PCDHB13: variants seen among roughly 807,000 people sequenced by gnomAD.
PCDHB13 encodes the protein protocadherin beta 13, also known as protocadherin beta-13.
For missense variants in PCDHB13, 1,065 were observed against 1,016.7 expected, an observed-to-expected ratio of 1.05 and a Z score of -0.65; for synonymous variants, 515 against 450.7, an observed-to-expected ratio of 1.14 and a Z score of -1.81.
At position 141,216,578 on chromosome 5, in the gene PCDHB13, G is replaced by A. The variant is rs782009068; in HGVS notation, c.*58G>A. The A allele has an allele frequency of 4.4e-6, 6 of 1,349,326 alleles. No homozygotes were observed. Among genetic ancestry groups the A allele is most frequent in the South Asian group, 1.2e-5 (1 of 85,718 alleles). The allele number at this position is 1,349,326 out of a possible 1,614,324, so 83.6% of individuals were successfully genotyped here. Reference sequence around the variant, plus strand: ...TATTTTGTGGCATTTCCATGCCAATGTTTATTTCCCCCAATTTGTGTGTAT... The same window carrying A: ...TATTTTGTGGCATTTCCATGCCAATATTTATTTCCCCCAATTTGTGTGTAT... On this transcript the variant is annotated 3_prime_UTR_variant, in exon 1 of 1. Transcript: ENST00000341948.
At position 141,216,344 on chromosome 5, in the gene PCDHB13, G is replaced by A. The variant is rs782535102; in HGVS notation, c.2221G>A (p.Gly741Ser). ...TCCAGGGCATCTTGTGGACATGAGC[G>A]GCACCAGGACCCTATCCCAGAGCTA... Reference protein sequence around the residue: ...PLPGHLVDMSGTRTLSQSYQY... With the variant: ...PLPGHLVDMSSTRTLSQSYQY... The change falls in exon 1 of 1, where the codon GGC becomes AGC. Residue 741 changes from glycine to serine, a missense_variant. Transcript: ENST00000341948. 63 of 1,614,062 alleles carry A rather than the reference G, an allele frequency of 3.9e-5. No homozygotes were observed. The highest frequency in any genetic ancestry group is 5.1e-5 in the Non-Finnish European group (60 of 1,180,042).
In PCDHB13 at chr5:141,216,758, G is replaced by T; in HGVS notation, c.*238G>T. 1 of 584,454 alleles carries T rather than the reference G, an allele frequency of 1.7e-6. No individual in the cohort carries two copies. Among genetic ancestry groups the T allele is most frequent in the African/African-American group, 1.9e-5 (1 of 53,288 alleles). 36.2% of individuals were successfully genotyped at this position (584,454 alleles called of 1,614,324 possible). A position where few individuals can be genotyped will look rare whatever the true frequency, so the allele number is the denominator to read the frequency against. On this transcript the variant is annotated 3_prime_UTR_variant, in exon 1 of 1. Transcript: ENST00000341948. ...TGTAATTAATTTGCCTCCCTAAAGA[G>T]CAATACCAAATCACATTTTTTTCAT...
Position 141,216,440 on chromosome 5 carries a change from A to G in PCDHB13, c.2317A>G (p.Asn773Asp). Residue 773 changes from asparagine to aspartate, a missense_variant, in exon 1 of 1, where the codon AAC becomes GAC. Physicochemically the swap from Asn to Asp is conservative, Grantham distance 23. Transcript: ENST00000341948. The stretch of plus-strand genomic sequence containing the variant: ...CAAGTTCCTGAAGCCGATTATCCCC[A>G]ACTTCCCTCCCCAGTGCCCTGGGAA... ...EFKFLKPIIP[N>D]FPPQCPGKEI... 1.9e-6 allele frequency: 3 copies of G among 1,613,816 alleles called. No homozygotes were observed. Among genetic ancestry groups the G allele is most frequent in the Non-Finnish European group, 2.5e-6 (3 of 1,179,958 alleles).
chr5:141,215,627 T>C lies in PCDHB13; in HGVS notation c.1504T>C (p.Ser502Pro). The change falls in exon 1 of 1, where the codon TCC becomes CCC. Residue 502 changes from serine to proline, a missense_variant. Coordinates refer to ENST00000341948, the MANE Select transcript of PCDHB13 (RefSeq NM_018933.4). ...CCAGGACCCGCACCTGCCCCTCACA[T>C]CCCTGGTCTCCATCAACGCGGACAA... ...PPQDPHLPLT[S>P]LVSINADNGH... 6.2e-7 allele frequency: 1 copy of C among 1,613,416 alleles called. No individual in the cohort carries two copies. The highest frequency in any genetic ancestry group is 8.5e-7 in the Non-Finnish European group (1 of 1,180,012).
At position 141,214,609 on chromosome 5, in the gene PCDHB13, T is replaced by A. The variant is rs1554287664; in HGVS notation, c.486T>A (p.Asp162Glu). 1.9e-6 allele frequency: 3 copies of A among 1,614,196 alleles called. No homozygotes were observed. In the African/African-American group the frequency reaches 4.0e-5, roughly 22 times the overall value. The part of the protein sequence containing the change: ...TFPLKNAEDL[D>E]VGQNNIENYI... ...CTCTGAAGAATGCCGAAGACTTAGA[T>A]GTAGGCCAAAACAATATTGAGAACT... The change falls in exon 1 of 1, where the codon GAT becomes GAA. Residue 162 changes from aspartate to glutamate, a missense_variant. Physicochemically the swap from Asp to Glu is conservative, Grantham distance 45. Coordinates refer to ENST00000341948, the MANE Select transcript of PCDHB13 (RefSeq NM_018933.4).
chr5:141,218,376 T>C lies in PCDHB13; in HGVS notation c.*1856T>C, dbSNP rs1441122079. On this transcript the variant is annotated 3_prime_UTR_variant, in exon 1 of 1. Transcript: ENST00000341948. ...TAAGACAACCTAATGTTTATACTTC[T>C]GACTCAGATTTCACTACTGGTTCTG... The C allele has an allele frequency of 1.8e-5, 3 of 167,212 alleles. No individual in the cohort carries two copies. Among genetic ancestry groups the C allele is most frequent in the East Asian group, 3.9e-4 (2 of 5,194 alleles). 10.4% of individuals were successfully genotyped at this position (167,212 alleles called of 1,614,324 possible). A position where few individuals can be genotyped will look rare whatever the true frequency, so the allele number is the denominator to read the frequency against.
rs1754624408 is a variant in PCDHB13 at position 141,216,663 on chromosome 5, G to A, written c.*143G>A. The A allele has an allele frequency of 1.2e-6, 1 of 831,066 alleles. No homozygotes were observed. Among genetic ancestry groups the A allele is most frequent in the Non-Finnish European group, 2.1e-6 (1 of 477,560 alleles). The allele number at this position is 831,066 out of a possible 1,614,324, so 51.5% of individuals were successfully genotyped here. A position where few individuals can be genotyped will look rare whatever the true frequency, so the allele number is the denominator to read the frequency against. ...ATGTTCTTTCTCCCTTTGTTTTAAA[G>A]TGAACATTTACCTTTATTCCTGGTT... On this transcript the variant is annotated 3_prime_UTR_variant, in exon 1 of 1. Transcript: ENST00000341948.
rs2910329 is a variant in PCDHB13, at chr5:141,215,534, C to G, written c.1411C>G (p.Arg471Gly). Residue 471 changes from arginine to glycine, a missense_variant, in exon 1 of 1, where the codon CGC (arginine) becomes GGC (glycine). Arg to Gly is a moderately radical substitution (Grantham distance 125). Transcript: ENST00000341948. ...RENNSPALHIRSVSATDRDSG... is the reference protein window; with the variant it reads ...RENNSPALHIGSVSATDRDSG... ...GAACAACAGCCCCGCCCTGCACATC[C>G]GCAGCGTCAGCGCTACAGACAGAGA... The G allele has an allele frequency of 0.36, 580,660 of 1,611,686 alleles. 110,451 individuals carry two copies. Among genetic ancestry groups the G allele is most frequent in the African/African-American group, 0.66 (49,778 of 74,922 alleles).
Position 141,218,449 on chromosome 5 carries a change from G to C in PCDHB13, c.*1929G>C, listed in dbSNP as rs1402500004. ...TTATTCTTTTCTTTTTTCTTTCTTT[G>C]TTTATGTTTTAGAGACAGGGTCTTA... is the stretch of plus-strand genomic sequence containing the variant. On this transcript the variant is annotated 3_prime_UTR_variant, in exon 1 of 1. Transcript: ENST00000341948. 1 of 164,272 alleles carries C rather than the reference G, an allele frequency of 6.1e-6. No individual in the cohort carries two copies. Among genetic ancestry groups the C allele is most frequent in the African/African-American group, 2.4e-5 (1 of 41,140 alleles). The allele number at this position is 164,272 out of a possible 1,614,324, so 10.2% of individuals were successfully genotyped here.
Position 141,216,179 on chromosome 5 carries a change from C to T in PCDHB13, c.2056C>T (p.Leu686Phe), listed in dbSNP as rs372749217. The change falls in exon 1 of 1, where the codon CTC (leucine) becomes TTC (phenylalanine). Residue 686 changes from leucine to phenylalanine, a missense_variant. By Grantham distance (22) the Leu-to-Phe change is conservative (BLOSUM62 0). Coordinates refer to ENST00000341948, the MANE Select transcript of PCDHB13 (RefSeq NM_018933.4). ...CCCGACCCAGGCCCAGGCCGACTTG[C>T]TCACCGTCTACCTGGTGGTGGCGTT... ...AAPTQAQADL[L>F]TVYLVVALAS... The T allele has an allele frequency of 4.3e-6, 7 of 1,612,370 alleles. No individual in the cohort carries two copies. The highest frequency in any genetic ancestry group is 1.3e-5 in the African/African-American group (1 of 74,916).
chr5:141,215,793 A>G lies in PCDHB13; in HGVS notation c.1670A>G (p.Asn557Ser). Residue 557 changes from asparagine to serine, a missense_variant, in exon 1 of 1, where the codon AAC (asparagine) becomes AGC (serine). By Grantham distance (46) the Asn-to-Ser change is conservative (BLOSUM62 1). Coordinates refer to ENST00000341948, the MANE Select transcript of PCDHB13 (RefSeq NM_018933.4). ...VRVVVLDAND[N>S]SPFVLYPLQN... ...GTGGTGGTGCTGGACGCCAACGACA[A>G]CTCGCCCTTCGTGCTGTACCCGCTG... The G allele has an allele frequency of 1.9e-6, 3 of 1,611,342 alleles. No homozygotes were observed. The highest frequency in any genetic ancestry group is 2.5e-6 in the Non-Finnish European group (3 of 1,179,632).
In PCDHB13 at chr5:141,214,860, C is replaced by T. The variant is rs1588390629; in HGVS notation, c.737C>T (p.Pro246Leu). The part of the protein sequence containing the change: ...VNDNAPEFEQ[P>L]FYRVQISEDS... ...GATAATGCCCCTGAATTTGAGCAGCCTTTCTATAGAGTGCAGATCTCTGAG... is the reference window on the plus strand; with the variant it reads ...GATAATGCCCCTGAATTTGAGCAGCTTTTCTATAGAGTGCAGATCTCTGAG... Residue 246 changes from proline (P) to leucine (L), a missense_variant, in exon 1 of 1, where the codon CCT becomes CTT. Physicochemically the swap from Pro to Leu is moderately conservative, Grantham distance 98. Transcript: ENST00000341948. 1.9e-6 allele frequency: 3 copies of T among 1,614,172 alleles called. No individual in the cohort carries two copies. Among genetic ancestry groups the T allele is most frequent in the Non-Finnish European group, 2.5e-6 (3 of 1,180,012 alleles).
rs1554288030 is a variant in PCDHB13 at position 141,215,807 on chromosome 5, C to T, written c.1684C>T (p.Leu562=). 1.1e-5 allele frequency: 18 copies of T among 1,611,298 alleles called. No homozygotes were observed. The highest frequency in any genetic ancestry group is 1.4e-5 in the Non-Finnish European group (17 of 1,179,620). The change falls in exon 1 of 1, where the codon CTG becomes TTG. Residue 562 remains leucine, a synonymous_variant. Transcript: ENST00000341948. ...CGCCAACGACAACTCGCCCTTCGTGCTGTACCCGCTGCAGAACGGCTCCGC... is the reference window on the plus strand; with the variant it reads ...CGCCAACGACAACTCGCCCTTCGTGTTGTACCCGCTGCAGAACGGCTCCGC... The part of the protein sequence containing the change: ...LDANDNSPFV[L]YPLQNGSAPC...
In PCDHB13 at chr5:141,215,581, C is replaced by T. The variant is rs782178378; in HGVS notation, c.1458C>T (p.Val486=). The change falls in exon 1 of 1, where the codon GTC becomes GTT. Residue 486 remains valine, a synonymous_variant. Coordinates refer to ENST00000341948, the MANE Select transcript of PCDHB13 (RefSeq NM_018933.4). The part of the protein sequence containing the change: ...TDRDSGTNAQ[V]TYSLLPPQDP... ...GAGACTCAGGCACCAACGCCCAGGT[C>T]ACCTACTCGCTGCTGCCGCCCCAGG... 2.4e-5 allele frequency: 39 copies of T among 1,613,408 alleles called. No individual in the cohort carries two copies. Among genetic ancestry groups the T allele is most frequent in the Non-Finnish European group, 1.5e-5 (18 of 1,180,008 alleles).
rs377058638 is a variant in PCDHB13, at chr5:141,214,607, G to C, written c.484G>C (p.Asp162His). The C allele has an allele frequency of 1.2e-5, 19 of 1,614,110 alleles. No homozygotes were observed. The African/African-American group carries it at 2.5e-4, about 22-fold the overall frequency. ...TCCTCTGAAGAATGCCGAAGACTTA[G>C]ATGTAGGCCAAAACAATATTGAGAA... ...TFPLKNAEDL[D>H]VGQNNIENYI... Residue 162 changes from aspartate to histidine, a missense_variant, in exon 1 of 1, where the codon GAT (aspartate) becomes CAT (histidine). Asp to His is a moderately conservative substitution (Grantham distance 81). Transcript: ENST00000341948.
Position 141,216,116 on chromosome 5 carries a change from G to A in PCDHB13, c.1993G>A (p.Gly665Ser). The A allele has an allele frequency of 1.2e-6, 2 of 1,609,280 alleles. No individual in the cohort carries two copies. The highest frequency in any genetic ancestry group is 8.5e-7 in the Non-Finnish European group (1 of 1,179,736). ...TATLHVLLVDGFSQPYLPLPE... is the reference protein window; with the variant it reads ...TATLHVLLVDSFSQPYLPLPE... ...CACGCTGCACGTGCTCCTGGTGGAC[G>A]GCTTCTCCCAGCCCTACCTGCCTCT... Residue 665 changes from glycine to serine, a missense_variant, in exon 1 of 1, where the codon GGC (glycine) becomes AGC (serine). Transcript: ENST00000341948.
Position 141,216,345 on chromosome 5 carries a change from G to A in PCDHB13, c.2222G>A (p.Gly741Asp). ...CCAGGGCATCTTGTGGACATGAGCG[G>A]CACCAGGACCCTATCCCAGAGCTAC... ...PLPGHLVDMSGTRTLSQSYQY... is the reference protein window; with the variant it reads ...PLPGHLVDMSDTRTLSQSYQY... Residue 741 changes from glycine (G) to aspartate (D), a missense_variant, in exon 1 of 1, where the codon GGC becomes GAC. Coordinates refer to ENST00000341948, the MANE Select transcript of PCDHB13 (RefSeq NM_018933.4). 1 of 1,614,198 alleles carries A rather than the reference G, an allele frequency of 6.2e-7. No individual in the cohort carries two copies. The highest frequency in any genetic ancestry group is 8.5e-7 in the Non-Finnish European group (1 of 1,180,046).
rs782474642 is a variant in PCDHB13, at chr5:141,214,900, C to T, written c.777C>T (p.Gly259=). The change falls in exon 1 of 1, where the codon GGC becomes GGT. Residue 259 remains glycine (G), a synonymous_variant. Transcript: ENST00000341948. Reference sequence around the variant, plus strand: ...AGATCTCTGAGGACAGTCCGGTAGGCTTCCTGGTTGTGAAGGTCTCTGCCA... The same window carrying T: ...AGATCTCTGAGGACAGTCCGGTAGGTTTCCTGGTTGTGAAGGTCTCTGCCA... ...RVQISEDSPV[G]FLVVKVSATD... The T allele has an allele frequency of 8.1e-6, 13 of 1,613,834 alleles. No individual in the cohort carries two copies. The highest frequency in any genetic ancestry group is 9.3e-6 in the Non-Finnish European group (11 of 1,179,964).
At position 141,217,415 on chromosome 5, in the gene PCDHB13, A is replaced by T. The variant is rs1191628236; in HGVS notation, c.*895A>T. 1 of 167,058 alleles carries T rather than the reference A, an allele frequency of 6.0e-6. No homozygotes were observed. Among genetic ancestry groups the T allele is most frequent in the Non-Finnish European group, 1.5e-5 (1 of 68,124 alleles). 10.3% of individuals were successfully genotyped at this position (167,058 alleles called of 1,614,324 possible). ...AGCTTAATAGAAATAAATGCTTGTGAACAATGCTTAGTCTTTTTATGACAT... is the reference window on the plus strand; with the variant it reads ...AGCTTAATAGAAATAAATGCTTGTGTACAATGCTTAGTCTTTTTATGACAT... On this transcript the variant is annotated 3_prime_UTR_variant, in exon 1 of 1. Transcript: ENST00000341948.
Sources: gnomAD v4.1 joint callset for allele counts on GRCh38, gnomAD v4.1.1 for gene constraint, MANE v1.5 for transcripts, NCBI Gene and HGNC (gene_info 2026-07-23, HGNC 2026-07-21) for gene names.